The following SMARCA5 variants were observed in gnomAD, a reference collection of about 807,000 sequenced individuals.
The protein encoded by SMARCA5 is SWI/SNF-related matrix-associated actin-dependent regulator of chromatin subfamily A member 5.
In SMARCA5, 18 loss-of-function variants were observed where a neutral mutation model predicts 140.4. That is an observed-to-expected ratio of 0.13 (90% CI 0.09 to 0.19). The LOEUF is 0.19. SMARCA5 is among the 10% of genes least tolerant of loss of function. The pLI is 1.00. For synonymous variants in SMARCA5, 449 were observed against 419.6 expected (o/e 1.07, Z -0.86); for missense variants, 606 against 1,276.8 (o/e 0.47, Z 8.01).
At chr4:143,518,246 T>G (rs936368044) in intron 2 of SMARCA5, among the ~76,000 whole-genome samples, 1 of 152,182 alleles carries the variant, frequency 6.6e-6, no homozygotes, top group African/African-American at 2.4e-5. Flanking sequence ...AAACTATGAC[T>G]TGACTTAAAC....
chr4:143,524,654 T>A (rs1173464080), intron 4 of SMARCA5, among the ~76,000 whole-genome samples, 187 bp downstream of exon 4: 1 of 152,204 alleles, frequency 6.6e-6, no homozygotes, highest in Non-Finnish European at 1.5e-5. Context: ...TAGTGCTGTA[T>A]TTCAAAGTTA....
Position 143,540,289 on chromosome 4 carries a change from T to C in SMARCA5, c.1771-74T>C, listed in dbSNP as rs1194083381. ...TATTTCAGAATATTTTAATTTTTTT[T>C]CTCAGTGTACCCATTTCAGTGTTAT... is the stretch of plus-strand genomic sequence containing the variant. On this transcript the variant is annotated intron_variant, in intron 13 of 23. Coordinates refer to ENST00000283131, the MANE Select transcript of SMARCA5 (RefSeq NM_003601.4). 6.8e-6 allele frequency: 8 copies of C among 1,171,122 alleles called. No individual in the cohort carries two copies. The East Asian group carries it at 1.8e-4, about 26-fold the overall frequency. 72.5% of individuals were successfully genotyped at this position (1,171,122 alleles called of 1,614,324 possible).
chr4:143,536,333 A>T, intron 10 of SMARCA5, 119 bp from the exon 11 acceptor site: 2 of 678,306 alleles, frequency 2.9e-6, no homozygotes, highest in South Asian at 1.8e-5. Context: ...CTAGAAGTTG[A>T]TGAGTAGTTT....
At chr4:143,520,360 G>C (rs1736931241) in intron 2 of SMARCA5, among the ~76,000 whole-genome samples, 2 of 152,162 alleles carry the variant, frequency 1.3e-5, no homozygotes, top group South Asian at 4.1e-4. Context: ...TCATCTGTAG[G>C]ACATTACTGG....
rs931145698 is a variant in SMARCA5, at chr4:143,553,302, C to T, written c.*118C>T. On this transcript the variant is annotated 3_prime_UTR_variant, in exon 24 of 24. Transcript: ENST00000283131. ...TGTCATTTAAAGACATCAGGTTCAT[C>T]TGTTTACTGAGCTAGAAACATAGTA... The T allele has an allele frequency of 6.7e-5, 47 of 706,334 alleles. No individual in the cohort carries two copies. The East Asian group carries it at 1.2e-3, about 17-fold the overall frequency. 43.8% of individuals were successfully genotyped at this position (706,334 alleles called of 1,614,324 possible).
intron 9 of SMARCA5, among the ~76,000 whole-genome samples, chr4:143,534,106 T>G (rs1737254997): frequency 6.6e-6 from 1 of 152,200 alleles, no homozygotes; most frequent in South Asian, 2.1e-4. Flanking sequence ...TTAAATAATG[T>G]ATCACATTTT....
At chr4:143,525,072 AAAT>A (rs1399047724) in intron 4 of SMARCA5, among the ~76,000 whole-genome samples, 2 of 152,026 alleles carry the variant, frequency 1.3e-5, no homozygotes, top group Non-Finnish European at 2.9e-5. Flanking sequence ...ACTAGAAAGA[AAAT>A]AAAATCCCCA....
intron 23 of SMARCA5, 124 bp downstream of exon 23, chr4:143,550,228 T>A (rs78333144): frequency 3.4e-6 from 1 of 292,328 alleles, no homozygotes; most frequent in Non-Finnish European, 6.5e-6. Context: ...GCCTTTACTT[T>A]TTTTTTTTTT....
At chr4:143,525,248 C>T (rs1737045257) in intron 4 of SMARCA5, among the ~76,000 whole-genome samples, 1 of 152,104 alleles carries the variant, frequency 6.6e-6, no homozygotes, top group African/African-American at 2.4e-5. Flanking sequence ...AGTCATGTTT[C>T]CCGCACTTGA....
At chr4:143,545,399 G>C (rs1737503731) in intron 17 of SMARCA5, 71 bp from the exon 18 acceptor site, 1 of 922,638 alleles carries the variant, frequency 1.1e-6, no homozygotes, top group African/African-American at 1.7e-5. Flanking sequence ...GGTTTATGAA[G>C]TGAGGACTAA....
At position 143,554,675 on chromosome 4, in the gene SMARCA5, G is replaced by A. The variant is rs1737712732; in HGVS notation, c.*1491G>A. 6.5e-6 allele frequency: 1 copy of A among 153,606 alleles called. No individual in the cohort carries two copies. The highest frequency in any genetic ancestry group is 2.0e-4 in the South Asian group (1 of 4,934). The allele number at this position is 153,606 out of a possible 1,614,324, so 9.5% of individuals were successfully genotyped here. ...TCAAAATTAACTTTTTAAATACTAT[G>A]TTAGATTCTTAACAGTTAAAGGTCT... On this transcript the variant is annotated 3_prime_UTR_variant, in exon 24 of 24. Coordinates refer to ENST00000283131, the MANE Select transcript of SMARCA5 (RefSeq NM_003601.4).
In SMARCA5 at chr4:143,550,117, G is replaced by T; in HGVS notation, c.3093+13G>T. 8.6e-6 allele frequency: 12 copies of T among 1,398,918 alleles called. No individual in the cohort carries two copies. The highest frequency in any genetic ancestry group is 1.3e-5 in the South Asian group (1 of 79,238). The allele number at this position is 1,398,918 out of a possible 1,614,324, so 86.7% of individuals were successfully genotyped here. A position where few individuals can be genotyped will look rare whatever the true frequency, so the allele number is the denominator to read the frequency against. On this transcript the variant is annotated intron_variant, in intron 23 of 23. Transcript: ENST00000283131. ...ACCAAAGCCTTCAGTAAGTATTCAT[G>T]AATATGTAAATATGTGGATTATGTA...
At chr4:143,528,330 A>G (rs990347250) in intron 7 of SMARCA5, among the ~76,000 whole-genome samples, 1 of 152,306 alleles carries the variant, frequency 6.6e-6, no homozygotes, top group Non-Finnish European at 1.5e-5. Context: ...ATGAGTGAGA[A>G]CATGTAGTGT....
intron 22 of SMARCA5, 94 bp from the exon 23 acceptor site, chr4:143,549,903 A>AT: frequency 1.6e-6 from 1 of 638,342 alleles, no homozygotes; most frequent in Non-Finnish European, 2.8e-6. Flanking sequence ...TAGTGGTTTT[A>AT]TATATTATCC....
chr4:143,534,171 A>G (rs1454940310), intron 9 of SMARCA5, among the ~76,000 whole-genome samples: 8 of 152,028 alleles, frequency 5.3e-5, no homozygotes, highest in African/African-American at 1.7e-4. Context: ...TTTTTTAGAC[A>G]TAATGCTATT....
intron 9 of SMARCA5, among the ~76,000 whole-genome samples, chr4:143,534,511 A>G (rs1578798631): frequency 6.6e-6 from 1 of 152,252 alleles, no homozygotes; most frequent in Non-Finnish European, 1.5e-5. Flanking sequence ...GTATAGTGTA[A>G]CAACTATTAA....
chr4:143,549,267 C>G (rs1220611606), intron 22 of SMARCA5, among the ~76,000 whole-genome samples: 1 of 151,848 alleles, frequency 6.6e-6, no homozygotes, highest in African/African-American at 2.4e-5. Context: ...GTGGTGTATT[C>G]TATACAGTAG....
intron 9 of SMARCA5, among the ~76,000 whole-genome samples, chr4:143,533,986 C>T (rs916656517): frequency 2.6e-5 from 4 of 152,030 alleles, no homozygotes; most frequent in African/African-American, 7.2e-5. Context: ...ATTTATTTTG[C>T]GAAACAAATA....
In SMARCA5 at chr4:143,513,986, C is replaced by T; in HGVS notation, c.62C>T (p.Ala21Val). Reference protein sequence around the residue: ...PPPESAPSKPAASIASGGSNS... With the variant: ...PPPESAPSKPVASIASGGSNS... ...CCCGAGAGCGCGCCTTCCAAGCCCG[C>T]AGCCTCGATCGCCAGCGGCGGGAGC... Residue 21 changes from alanine (A) to valine (V), a missense_variant, in exon 1 of 24, where the codon GCA becomes GTA. By Grantham distance (64) the Ala-to-Val change is moderately conservative. This residue lies in a region of SMARCA5 where 164 missense variants were observed against 128.4 expected (regional missense o/e 1.28). Transcript: ENST00000283131. The T allele has an allele frequency of 6.4e-7, 1 of 1,562,736 alleles. No individual in the cohort carries two copies. The highest frequency in any genetic ancestry group is 8.6e-7 in the Non-Finnish European group (1 of 1,162,066).
Sources: gnomAD v4.1 joint callset for allele counts (sites outside exome capture counted in the v4.1 genomes callset) on GRCh38, gnomAD v4.1.1 for gene constraint, gnomAD v4.1.1 regional missense constraint, MANE v1.5 for transcripts, NCBI Gene and HGNC (gene_info 2026-07-23, HGNC 2026-07-21) for gene names.